PLEKHG1: variants seen among roughly 807,000 people sequenced by gnomAD.
PLEKHG1 encodes the protein pleckstrin homology and RhoGEF domain containing G1.
In PLEKHG1, 44 loss-of-function variants were observed where a neutral mutation model predicts 100.8. The observed-to-expected ratio is 0.44, with a 90% CI of 0.34 to 0.56. PLEKHG1 has a LOEUF of 0.56. Ranked by LOEUF, PLEKHG1 falls within the 20% of genes least tolerant of loss-of-function variation. The pLI, the probability that PLEKHG1 is intolerant of heterozygous loss-of-function variation, is 0.01. For synonymous variants in PLEKHG1, 640 were observed against 662.5 expected (o/e 0.97, Z 0.52); for missense variants, 1,545 against 1,720.9 (o/e 0.90, Z 1.81).
At chr6:150,782,076 C>A (rs945715515) in intron 3 of PLEKHG1, among the ~76,000 whole-genome samples, 2 of 152,006 alleles carry the variant, frequency 1.3e-5, no homozygotes, top group African/African-American at 4.8e-5. Flanking sequence ...CCATGCCCGG[C>A]CTTAAAAGAT....
At chr6:150,767,303 A>G (rs577554549) in intron 2 of PLEKHG1, among the ~76,000 whole-genome samples, 1 of 147,040 alleles carries the variant, frequency 6.8e-6, no homozygotes, top group Admixed American at 6.7e-5. Context: ...AGGCCAAGCT[A>G]TTTGGGGATT....
chr6:150,792,632 C>T (rs1278799461), intron 4 of PLEKHG1, among the ~76,000 whole-genome samples: 7 of 152,056 alleles, frequency 4.6e-5, no homozygotes, highest in African/African-American at 1.7e-4. Context: ...CGAGATTGCA[C>T]CACTGCACTC....
chr6:150,783,503 G>A (rs1051958325), intron 3 of PLEKHG1, among the ~76,000 whole-genome samples: 3 of 152,064 alleles, frequency 2.0e-5, no homozygotes, highest in Non-Finnish European at 4.4e-5. Flanking sequence ...CTGAGTAGCT[G>A]GGACTGCAGG....
intron 3 of PLEKHG1, among the ~76,000 whole-genome samples, chr6:150,692,844 T>A (rs962650477): frequency 6.6e-6 from 1 of 152,110 alleles, no homozygotes; most frequent in Non-Finnish European, 1.5e-5. Context: ...TCAGAGCGAG[T>A]GCATTGGTGA....
At position 150,831,425 on chromosome 6, in the gene PLEKHG1, G is replaced by A. The variant is rs759847501; in HGVS notation, c.2314G>A (p.Glu772Lys). The change falls in exon 15 of 16, where the codon GAG becomes AAG. Residue 772 changes from glutamate to lysine, a missense_variant. Coordinates refer to ENST00000358517, the Ensembl canonical transcript of PLEKHG1. This position sits in a 1 kb window ranked among gnomAD's most constrained non-coding sequence, Gnocchi z 4.1. Reference sequence around the variant, plus strand: ...AAAGCGGAGCACCTTTTTGGGTCTGGAGGCCGACTTCGTGTGCTGTGACAG... The same window carrying A: ...AAAGCGGAGCACCTTTTTGGGTCTGAAGGCCGACTTCGTGTGCTGTGACAG... 1 of 1,614,108 alleles carries A rather than the reference G, an allele frequency of 6.2e-7. No homozygotes were observed.
At chr6:150,649,778 G>T (rs923633863) in intron 2 of PLEKHG1, among the ~76,000 whole-genome samples, 1 of 152,108 alleles carries the variant, frequency 6.6e-6, no homozygotes, top group Non-Finnish European at 1.5e-5. Flanking sequence ...TTGGGAGGCC[G>T]AGGCGGGCGG....
chr6:150,644,970 T>C (rs897412451), intron 2 of PLEKHG1, among the ~76,000 whole-genome samples: 4 of 152,186 alleles, frequency 2.6e-5, no homozygotes, highest in Admixed American at 2.6e-4. Context: ...ATTCAACATG[T>C]TTTTGGTGGA....
chr6:150,801,026 A>T (rs1336242040), intron 6 of PLEKHG1, among the ~76,000 whole-genome samples, 157 bp downstream of exon 7: 1 of 152,172 alleles, frequency 6.6e-6, no homozygotes, highest in Non-Finnish European at 1.5e-5. Flanking sequence ...GGATTTGGAG[A>T]TATTTATATT....
At chr6:150,809,881 G>C (rs1787385368) in intron 10 of PLEKHG1, 147 bp downstream of exon 11, 12 of 397,684 alleles carry the variant, frequency 3.0e-5, no homozygotes, top group African/African-American at 2.8e-5. Flanking sequence ...TAAAAACAAA[G>C]AGACTGGGTC....
intron 3 of PLEKHG1, among the ~76,000 whole-genome samples, chr6:150,769,922 A>C (rs1422327111): frequency 6.6e-6 from 1 of 152,024 alleles, no homozygotes; most frequent in Admixed American, 6.6e-5. Context: ...ACCCTGACTC[A>C]CAAAACATTT....
intron 1 of PLEKHG1, among the ~76,000 whole-genome samples, chr6:150,608,543 A>T (rs758240630): frequency 4.6e-5 from 7 of 152,260 alleles, no homozygotes; most frequent in Non-Finnish European, 8.8e-5. Context: ...GTTTTGGATT[A>T]CTAATATATG....
intron 4 of PLEKHG1, among the ~76,000 whole-genome samples, chr6:150,793,386 C>A (rs1786107829): frequency 1.3e-5 from 2 of 152,134 alleles, no homozygotes; most frequent in Non-Finnish European, 1.5e-5. Flanking sequence ...GGTGACAGAG[C>A]AAGACCCTGT....
intron 3 of PLEKHG1, among the ~76,000 whole-genome samples, chr6:150,778,823 TCTTTA>T (rs1190929612): frequency 1.3e-5 from 2 of 152,176 alleles, no homozygotes; most frequent in Non-Finnish European, 2.9e-5. Flanking sequence ...CATTACTTTC[TCTTTA>T]CTAGTACCAT....
upstream of PLEKHG1, among the ~76,000 whole-genome samples, chr6:150,716,907 G>A (rs6557087): frequency 0.9 from 136,370 of 152,228 alleles, 61,172 homozygotes; most frequent in East Asian, 0.91. Context: ...GCTGGAGTGC[G>A]GTGGTGCGAT....
chr6:150,736,566 C>T (rs1277269928), intron 2 of PLEKHG1, among the ~76,000 whole-genome samples: 10 of 152,022 alleles, frequency 6.6e-5, no homozygotes, highest in Non-Finnish European at 1.3e-4. Flanking sequence ...GTCGGGAGTT[C>T]GAGACCAGCC....
chr6:150,653,689 A>C (rs1269268552), intron 3 of PLEKHG1, among the ~76,000 whole-genome samples: 1 of 152,122 alleles, frequency 6.6e-6, no homozygotes, highest in East Asian at 1.9e-4. Context: ...CAGAGGTTGC[A>C]GTGAGCCAAG....
At chr6:150,836,817 T>A in intron 15 of PLEKHG1, among the ~76,000 whole-genome samples, 1 of 131,756 alleles carries the variant, frequency 7.6e-6, no homozygotes. Flanking sequence ...AATAAGACCC[T>A]GTCTCAAAAA....
chr6:150,790,933 G>C (rs1455166929), intron 4 of PLEKHG1, among the ~76,000 whole-genome samples: 1 of 152,192 alleles, frequency 6.6e-6, no homozygotes, highest in East Asian at 1.9e-4. Flanking sequence ...TGAGGCGGGA[G>C]AATCACTTGA....
At chr6:150,777,412 T>C (rs1218544113) in intron 3 of PLEKHG1, among the ~76,000 whole-genome samples, 8 of 135,652 alleles carry the variant, frequency 5.9e-5, no homozygotes, top group Admixed American at 1.5e-4. Context: ...GGTTGCACAT[T>C]ACTCACACTG....
Sources: gnomAD v4.1 joint callset for allele counts (sites outside exome capture counted in the v4.1 genomes callset) on GRCh38, gnomAD v4.1.1 for gene constraint, Gnocchi (gnomAD v3.1) non-coding constraint, MANE v1.5 for transcripts, NCBI Gene and HGNC (gene_info 2026-07-23, HGNC 2026-07-21) for gene names.